The following NUCB2 variants were observed in gnomAD, a reference collection of about 807,000 sequenced individuals.
NUCB2 encodes the protein nucleobindin 2.
In NUCB2, 48 loss-of-function variants were observed where a neutral mutation model predicts 57.9. The ratio of observed to expected loss-of-function variants is 0.83; its 90% CI spans 0.66 to 1.05. The LOEUF (loss-of-function observed/expected upper bound fraction) is 1.05, where lower values mean the gene tolerates loss of function less well. Among genes scored for constraint, NUCB2 ranks in the 50% least tolerant of loss-of-function variants. The pLI is 0.00. For missense variants in NUCB2, 442 were observed against 476.2 expected (o/e 0.93, Z 0.67); for synonymous variants, 139 against 152.1 (o/e 0.91, Z 0.64).
intron 1 of NUCB2, among the ~76,000 whole-genome samples, chr11:17,280,040 G>A (rs934689864): frequency 7.9e-5 from 12 of 152,044 alleles, no homozygotes; most frequent in African/African-American, 2.4e-4. Context: ...CGATCTGCCT[G>A]TCTTGGCCTC....
rs1048185182 is a variant in NUCB2, at chr11:17,330,044, T to C, written c.1003-83T>C. 8.0e-6 allele frequency: 6 copies of C among 746,320 alleles called. No homozygotes were observed. In the Admixed American group the frequency reaches 1.5e-4, roughly 19 times the overall value. The allele number at this position is 746,320 out of a possible 1,614,324, so 46.2% of individuals were successfully genotyped here. On this transcript the variant is annotated intron_variant, in intron 11 of 13. Coordinates refer to ENST00000529010, the MANE Select transcript of NUCB2 (RefSeq NM_005013.4). The surrounding 1 kb of genome is among the most constrained non-coding windows in gnomAD (Gnocchi z 4.3). ...ATCCTATAGATACTCTTTTATACTTTGCTAACCATAGAATTTTAAAGCTAA... is the reference window on the plus strand; with the variant it reads ...ATCCTATAGATACTCTTTTATACTTCGCTAACCATAGAATTTTAAAGCTAA...
At chr11:17,300,250 G>T (rs565325086) in intron 4 of NUCB2, among the ~76,000 whole-genome samples, 1 of 152,114 alleles carries the variant, frequency 6.6e-6, no homozygotes, top group Non-Finnish European at 1.5e-5. Context: ...GCGCTCAAAC[G>T]ATCTATCCAC....
chr11:17,331,732 AG>A lies in NUCB2; in HGVS notation c.*315del, dbSNP rs1353978858. ...TATGCCATAATTTAGTGAAACTATT[AG>A]GAACTATTTAAGTGAGAAAACTCTG... On this transcript the variant is annotated 3_prime_UTR_variant, in exon 14 of 14. Transcript: ENST00000529010. 1 of 256,240 alleles carries A rather than the reference AG, an allele frequency of 3.9e-6. No individual in the cohort carries two copies. The highest frequency in any genetic ancestry group is 7.3e-6 in the Non-Finnish European group (1 of 137,048). The allele number at this position is 256,240 out of a possible 1,614,324, so 15.9% of individuals were successfully genotyped here.
At chr11:17,317,223 C>T (rs1198771329) in intron 11 of NUCB2, among the ~76,000 whole-genome samples, 2 of 152,000 alleles carry the variant, frequency 1.3e-5, no homozygotes, top group Admixed American at 6.6e-5. Context: ...TCTTTCCCTC[C>T]TCTCTATTTT....
chr11:17,291,111 A>G (rs1219543795), intron 2 of NUCB2: 12 of 152,078 alleles, frequency 7.9e-5, no homozygotes, highest in African/African-American at 2.9e-4. Flanking sequence ...ACAACCTGTA[A>G]TCTGCTTTCT....
intron 4 of NUCB2, among the ~76,000 whole-genome samples, chr11:17,299,595 C>A (rs561050323): frequency 2.6e-5 from 4 of 151,976 alleles, no homozygotes; most frequent in Non-Finnish European, 5.9e-5. Context: ...ATGGTGCTGA[C>A]CAACTTAACT....
At chr11:17,335,245 A>C (rs994793180), downstream of NUCB2, among the ~76,000 whole-genome samples, 2 of 152,196 alleles carry the variant, frequency 1.3e-5, no homozygotes, top group East Asian at 3.8e-4. Flanking sequence ...TATCTGTGAC[A>C]TGAAACTGAT....
At position 17,296,176 on chromosome 11, in the gene NUCB2, G is replaced by A; in HGVS notation, c.217G>A (p.Glu73Lys). Residue 73 changes from glutamate to lysine, a missense_variant, in exon 4 of 14, where the codon GAA (glutamate) becomes AAA (lysine). Coordinates refer to ENST00000529010, the MANE Select transcript of NUCB2 (RefSeq NM_005013.4). The part of the protein sequence containing the change: ...DVLETDKHFR[E>K]KLQKADIEEI... ...GCTGGAAACAGATAAACACTTCAGA[G>A]AAAAGCTCCAGAAAGCAGACATAGA... 1.2e-6 allele frequency: 2 copies of A among 1,610,932 alleles called. No individual in the cohort carries two copies. The highest frequency in any genetic ancestry group is 1.7e-6 in the Non-Finnish European group (2 of 1,177,994).
chr11:17,283,886 C>A (rs960978120), intron 2 of NUCB2, among the ~76,000 whole-genome samples: 1 of 152,192 alleles, frequency 6.6e-6, no homozygotes, highest in African/African-American at 2.4e-5. Flanking sequence ...CACTTGCCTT[C>A]CTTGCTAGCT....
intron 1 of NUCB2, among the ~76,000 whole-genome samples, chr11:17,280,966 G>A (rs930112557): frequency 2.6e-5 from 4 of 152,138 alleles, no homozygotes; most frequent in African/African-American, 9.7e-5. Context: ...GCTTGAGCCT[G>A]GGAGGTGGAG....
rs531601766 is a variant in NUCB2, at chr11:17,276,804, G to A, written c.-180G>A. 1 of 152,502 alleles carries A rather than the reference G, an allele frequency of 6.6e-6. No individual in the cohort carries two copies. Among genetic ancestry groups the A allele is most frequent in the Non-Finnish European group, 1.5e-5 (1 of 68,158 alleles). The allele number at this position is 152,502 out of a possible 1,614,324, so 9.4% of individuals were successfully genotyped here. A position where few individuals can be genotyped will look rare whatever the true frequency, so the allele number is the denominator to read the frequency against. ...GCGCTGGACGCAAGCACCAGGCGCA[G>A]CCTCGCTCGCCGAGACCCGGCCAGG... On this transcript the variant is annotated 5_prime_UTR_variant, in exon 1 of 14. Transcript: ENST00000529010.
At chr11:17,283,160 A>C (rs906610681) in intron 2 of NUCB2, among the ~76,000 whole-genome samples, 2 of 152,208 alleles carry the variant, frequency 1.3e-5, no homozygotes, top group African/African-American at 4.8e-5. Context: ...CAGTTCTTTT[A>C]TCAGTGATCC....
chr11:17,333,511 C>T (rs562325321), downstream of NUCB2: 4 of 152,174 alleles, frequency 2.6e-5, no homozygotes, highest in East Asian at 7.7e-4. Context: ...CAGTATTAAC[C>T]AAGGTAAAAT....
At chr11:17,338,826 G>C (rs1365986743) in intron 2 of NUCB2, among the ~76,000 whole-genome samples, 2 of 151,908 alleles carry the variant, frequency 1.3e-5, no homozygotes, top group Non-Finnish European at 2.9e-5. Context: ...ACCACACCTG[G>C]CTAATTTTTG....
At chr11:17,302,447 C>T (rs1267431072) in intron 5 of NUCB2, among the ~76,000 whole-genome samples, 2 of 151,822 alleles carry the variant, frequency 1.3e-5, no homozygotes, top group Middle Eastern at 3.2e-3. Context: ...TTAAAGGAAA[C>T]CAAAAGGAAG....
intron 11 of NUCB2, among the ~76,000 whole-genome samples, chr11:17,318,326 C>CT (rs1245681057): frequency 7.2e-6 from 1 of 139,758 alleles, no homozygotes; most frequent in Non-Finnish European, 1.6e-5. Context: ...CAGAAGTCAG[C>CT]TTTAAAAAAA....
intron 11 of NUCB2, among the ~76,000 whole-genome samples, chr11:17,319,635 C>A (rs751838412): frequency 1.3e-5 from 2 of 152,194 alleles, no homozygotes; most frequent in Non-Finnish European, 2.9e-5. Context: ...CATTAATATT[C>A]ATTTCTACAT....
chr11:17,341,784 T>G (rs1206388741), intron 2 of NUCB2, among the ~76,000 whole-genome samples: 2 of 152,206 alleles, frequency 1.3e-5, no homozygotes, highest in Non-Finnish European at 2.9e-5. Flanking sequence ...TCTCTTTTTT[T>G]GTTGTGTCTC....
chr11:17,345,447 G>A (rs555718588), intron 2 of NUCB2, among the ~76,000 whole-genome samples: 1 of 152,288 alleles, frequency 6.6e-6, no homozygotes, highest in East Asian at 1.9e-4. Flanking sequence ...GGTGGCTCAC[G>A]CCTGTAATCC....
Sources: gnomAD v4.1 joint callset for allele counts (sites outside exome capture counted in the v4.1 genomes callset) on GRCh38, gnomAD v4.1.1 for gene constraint, Gnocchi (gnomAD v3.1) non-coding constraint, MANE v1.5 for transcripts, NCBI Gene and HGNC (gene_info 2026-07-23, HGNC 2026-07-21) for gene names.